Variants in RDX observed in about 807,000 individuals in gnomAD.
RDX encodes radixin.
In RDX, 32 loss-of-function variants were observed where a neutral mutation model predicts 83.7. The ratio of observed to expected loss-of-function variants is 0.38; its 90% CI spans 0.29 to 0.51. The LOEUF is 0.51. Ranked by LOEUF, RDX falls within the 20% of genes least tolerant of loss-of-function variation. The pLI, the probability that RDX is intolerant of heterozygous loss-of-function variation, is 0.87. For synonymous variants in RDX, 229 were observed against 222.7 expected, an observed-to-expected ratio of 1.03 and a Z score of -0.25; for missense variants, 600 against 689.9, an observed-to-expected ratio of 0.87 and a Z score of 1.46.
At chr11:110,291,897 C>T (rs368544794) in intron 1 of RDX, among the ~76,000 whole-genome samples, 13 of 151,854 alleles carry the variant, frequency 8.6e-5, no homozygotes, top group Non-Finnish European at 1.5e-4. Context: ...TTCAGGAGGC[C>T]GAGGCAGAAA....
At position 110,231,995 on chromosome 11, in the gene RDX, G is replaced by C. The variant is rs377478193; in HGVS notation, c.1626C>G (p.Thr542=). ...GAAGAACATCATTTTGTGTTTTCTT[G>C]GTTTCATCTCTGGCTTGGGCTAATT... ...SSELAQARDE[T]KKTQNDVLHA... The change falls in exon 14 of 14, where the codon ACC becomes ACG. Residue 542 remains threonine, a synonymous_variant. Transcript: ENST00000645495. 8.7e-6 allele frequency: 14 copies of C among 1,613,756 alleles called. No homozygotes were observed. Among genetic ancestry groups the C allele is most frequent in the Non-Finnish European group, 1.2e-5 (14 of 1,179,922 alleles).
intron 15 of RDX, among the ~76,000 whole-genome samples, chr11:110,181,618 G>A: frequency 6.6e-6 from 1 of 152,246 alleles, no homozygotes; most frequent in East Asian, 1.9e-4. Context: ...ATGGGGGCAT[G>A]GCCCCTGTGC....
At chr11:110,267,515 AACAC>A (rs71053877) in intron 3 of RDX, among the ~76,000 whole-genome samples, 17,567 of 131,274 alleles carry the variant, frequency 0.13, 1,101 homozygotes, top group East Asian at 0.21. Flanking sequence ...TCCGTCTCAA[AACAC>A]ACACACACAC....
chr11:110,182,949 G>A (rs1403075805), intron 15 of RDX, among the ~76,000 whole-genome samples: 1 of 152,168 alleles, frequency 6.6e-6, no homozygotes, highest in Non-Finnish European at 1.5e-5. Flanking sequence ...GAAATCCAGG[G>A]AGGCTAAATG....
intron 1 of RDX, 120 bp from the exon 2 acceptor site, chr11:110,279,876 T>A: frequency 1.9e-6 from 1 of 531,600 alleles, no homozygotes; most frequent in Non-Finnish European, 3.3e-6. Context: ...TAACAAGGAG[T>A]GATTTCATTC....
At chr11:110,284,582 G>A (rs568870358) in intron 1 of RDX, among the ~76,000 whole-genome samples, 3 of 151,338 alleles carry the variant, frequency 2.0e-5, no homozygotes, top group Admixed American at 6.6e-5. Flanking sequence ...GTGCAGTGGC[G>A]CGATATCGGC....
rs557352880 is a variant in RDX at position 110,222,343 on chromosome 11, C to G, written c.1748+9530G>C. Among the ~76,000 whole-genome samples the G allele has an allele frequency of 1.2e-3, 186 of 152,342 alleles. 1 individual carries two copies. The highest frequency in any genetic ancestry group is 3.1e-3 in the African/African-American group (128 of 41,590). ...TACATTTCATACAAAGCCTTTTATA[C>G]AGCTTATGCCCCCCAAATTCATTTT... On this transcript the variant is annotated intron_variant, in intron 14 of 15. Coordinates refer to the RDX transcript ENST00000528498.
intron 2 of RDX, among the ~76,000 whole-genome samples, chr11:110,276,258 C>A (rs1332228354): frequency 1.3e-5 from 2 of 151,812 alleles, no homozygotes; most frequent in Admixed American, 1.3e-4. Context: ...TTTTTTTAAT[C>A]CCAACATAAT....
At chr11:110,292,323 G>T (rs1038230600) in intron 1 of RDX, among the ~76,000 whole-genome samples, 3 of 151,898 alleles carry the variant, frequency 2.0e-5, no homozygotes, top group Admixed American at 6.6e-5. Flanking sequence ...AGCTAGGCAT[G>T]GTGGCACACG....
chr11:110,231,796 C>G lies in RDX; in HGVS notation c.*73G>C. The stretch of plus-strand genomic sequence containing the variant: ...TTTGGCAAGGTGGGATGCATTCCAT[C>G]ATATCTGCAAAGGCCTGCTTTTCTC... On this transcript the variant is annotated 3_prime_UTR_variant, in exon 14 of 14. Coordinates refer to ENST00000645495, the MANE Select transcript of RDX (RefSeq NM_002906.4). 6.4e-7 allele frequency: 1 copy of G among 1,552,604 alleles called. No individual in the cohort carries two copies.
intron 10 of RDX, among the ~76,000 whole-genome samples, chr11:110,238,796 C>T (rs925141077): frequency 2.0e-5 from 3 of 151,564 alleles, no homozygotes; most frequent in South Asian, 2.1e-4. Context: ...TGGTGATGGG[C>T]GCCTGTAATC....
At position 110,270,095 on chromosome 11, in the gene RDX, T is replaced by C. The variant is rs546149600; in HGVS notation, c.96+2441A>G. 3.3e-5 allele frequency among the ~76,000 whole-genome samples: 5 copies of C among 152,264 alleles called. No homozygotes were observed. The South Asian group carries it at 1.0e-3, about 32-fold the overall frequency. On this transcript the variant is annotated intron_variant, in intron 3 of 13. Transcript: ENST00000645495. ...ATAAGTAATAATAACCTGGACCATT[T>C]ACAATATGAACTGTGTGTGCATGTG... is the stretch of plus-strand genomic sequence containing the variant.
intron 5 of RDX, among the ~76,000 whole-genome samples, chr11:110,262,930 A>C (rs962534455): frequency 2.6e-5 from 4 of 152,172 alleles, no homozygotes; most frequent in African/African-American, 9.7e-5. Context: ...GATAAGAACA[A>C]TGCACCAGCC....
At chr11:110,288,886 G>T (rs1861096654) in intron 1 of RDX, among the ~76,000 whole-genome samples, 1 of 152,072 alleles carries the variant, frequency 6.6e-6, no homozygotes, top group Admixed American at 6.6e-5. Context: ...GTTGTAAAAT[G>T]ACCAAACTAA....
intron 1 of RDX, 44 bp from the exon 2 acceptor site, chr11:110,279,800 G>A (rs965275876): frequency 7.4e-6 from 5 of 678,556 alleles, no homozygotes; most frequent in African/African-American, 3.7e-5. Context: ...TTTTATATAA[G>A]GTTTCTATTT....
intron 1 of RDX, among the ~76,000 whole-genome samples, chr11:110,295,954 T>C (rs1025966793): frequency 1.3e-5 from 2 of 152,224 alleles, no homozygotes; most frequent in Non-Finnish European, 2.9e-5. Context: ...CGCTCTCTAG[T>C]AATTTAACAC....
At chr11:110,214,117 CT>C in intron 14 of RDX, among the ~76,000 whole-genome samples, 1 of 147,110 alleles carries the variant, frequency 6.8e-6, no homozygotes, top group South Asian at 2.3e-4. Flanking sequence ...TATCCAGAAT[CT>C]ACAATGAACT....
intron 14 of RDX, among the ~76,000 whole-genome samples, chr11:110,208,584 T>C (rs1178183649): frequency 6.6e-6 from 1 of 152,218 alleles, no homozygotes; most frequent in African/African-American, 2.4e-5. Flanking sequence ...ACTTCTCCAA[T>C]TTCAACTTTC....
chr11:110,258,867 CTTTTTTTTTTT>C (rs11421586), intron 5 of RDX, among the ~76,000 whole-genome samples: 4 of 94,618 alleles, frequency 4.2e-5, no homozygotes, highest in African/African-American at 1.7e-4. Flanking sequence ...CAAATACATT[CTTTTTTTTTTT>C]TTTTTTTTTT....
Sources: gnomAD v4.1 joint callset for allele counts (sites outside exome capture counted in the v4.1 genomes callset) on GRCh38, gnomAD v4.1.1 for gene constraint, MANE v1.5 for transcripts, NCBI Gene and HGNC (gene_info 2026-07-23, HGNC 2026-07-21) for gene names.